Variants in MVB12B observed in about 807,000 individuals in gnomAD.
MVB12B encodes the protein ESCRT-I complex subunit MVB12B.
Under a neutral mutation model 41.6 loss-of-function variants are expected in MVB12B, and 16 were observed. That is an observed-to-expected ratio of 0.38 (90% CI 0.26 to 0.58). The LOEUF (loss-of-function observed/expected upper bound fraction) is 0.58, where lower values mean the gene tolerates loss of function less well. Ranked by LOEUF, MVB12B falls within the 20% of genes least tolerant of loss-of-function variation. MVB12B has a pLI of 0.62. For missense variants in MVB12B, 274 were observed against 380.2 expected (o/e 0.72, Z 2.32); for synonymous variants, 133 against 139.7 (o/e 0.95, Z 0.34).
chr9:126,483,831 C>T (rs976737682), intron 8 of MVB12B, 142 bp from the exon 9 acceptor site: 1 of 837,788 alleles, frequency 1.2e-6, no homozygotes, highest in East Asian at 2.4e-5. Flanking sequence ...GAGAGTCCCA[C>T]TGACTGTCTT....
rs7043174 is a variant in MVB12B, at chr9:126,390,548, A to G, written c.410-1518A>G. On this transcript the variant is annotated intron_variant, in intron 4 of 9. Coordinates refer to ENST00000361171, the MANE Select transcript of MVB12B (RefSeq NM_033446.3). ...CCAACTCCTTACTCTAAGGCTTGAT[A>G]AGTAAGAGAAAAGAATCACGTGCTT... Among the ~76,000 whole-genome samples, 308 of 152,380 alleles carry G rather than the reference A, an allele frequency of 2.0e-3. 3 individuals carry two copies. The highest frequency in any genetic ancestry group is 7.2e-3 in the African/African-American group (299 of 41,590).
At chr9:126,498,360 C>T (rs1833881670) in intron 9 of MVB12B, among the ~76,000 whole-genome samples, 1 of 152,174 alleles carries the variant, frequency 6.6e-6, no homozygotes, top group Admixed American at 6.5e-5. Flanking sequence ...TCCGCCTGCC[C>T]AAGCCCACCC....
intron 7 of MVB12B, among the ~76,000 whole-genome samples, chr9:126,429,189 T>G (rs1013370505): frequency 6.6e-6 from 1 of 152,176 alleles, no homozygotes; most frequent in African/African-American, 2.4e-5. Context: ...ATAAGAACCA[T>G]TTTTATCATC....
At chr9:126,357,126 CTTTAT>C (rs1411156960) in intron 2 of MVB12B, among the ~76,000 whole-genome samples, 1 of 152,072 alleles carries the variant, frequency 6.6e-6, no homozygotes, top group Non-Finnish European at 1.5e-5. Flanking sequence ...TATGTAAATT[CTTTAT>C]TTTGTCTGGC....
intron 7 of MVB12B, among the ~76,000 whole-genome samples, chr9:126,464,412 A>G (rs1372463894): frequency 6.6e-6 from 1 of 151,414 alleles, no homozygotes; most frequent in Non-Finnish European, 1.5e-5. Flanking sequence ...GGGAGGAGAG[A>G]GCAGCTAGGG....
chr9:126,393,237 G>T (rs1046569571), intron 5 of MVB12B, among the ~76,000 whole-genome samples: 1 of 152,234 alleles, frequency 6.6e-6, no homozygotes, highest in Admixed American at 6.5e-5. Flanking sequence ...TCACAGAGGA[G>T]TTGGGGAGGC....
chr9:126,327,099 G>C (rs1486006913), intron 1 of MVB12B, 89 bp downstream of exon 1: 1 of 235,534 alleles, frequency 4.2e-6, no homozygotes, highest in Non-Finnish European at 6.8e-6. Flanking sequence ...CCCCGGCCGA[G>C]GGGCGGGCGG....
In MVB12B at chr9:126,367,977, A is replaced by G. The variant is rs768569582; in HGVS notation, c.205-13087A>G. Among the ~76,000 whole-genome samples the G allele has an allele frequency of 6.6e-6, 1 of 152,226 alleles. No individual in the cohort carries two copies. The highest frequency in any genetic ancestry group is 1.5e-5 in the Non-Finnish European group (1 of 68,032). ...AAGAAAAGGAAAGACTTGTGTCCTG[A>G]AGAGATGAATTGCAGCTTAGTGATG... On this transcript the variant is annotated intron_variant, in intron 2 of 9. Transcript: ENST00000361171. The surrounding 1 kb of genome is among the most constrained non-coding windows in gnomAD (Gnocchi z 4.3).
At chr9:126,431,580 C>T (rs888335768) in intron 7 of MVB12B, among the ~76,000 whole-genome samples, 7 of 152,316 alleles carry the variant, frequency 4.6e-5, no homozygotes, top group Non-Finnish European at 8.8e-5. Flanking sequence ...TGCTCTTAAA[C>T]AGGCGGCCAC....
chr9:126,450,097 C>T (rs1426631994), intron 7 of MVB12B, among the ~76,000 whole-genome samples: 1 of 152,242 alleles, frequency 6.6e-6, no homozygotes, highest in African/African-American at 2.4e-5. Flanking sequence ...ACCGTGAGAG[C>T]TCTGCAGTCA....
chr9:126,426,263 C>T (rs1391724787), intron 7 of MVB12B, among the ~76,000 whole-genome samples: 1 of 152,232 alleles, frequency 6.6e-6, no homozygotes, highest in East Asian at 1.9e-4. Flanking sequence ...CATCCTTACT[C>T]TTTCTAGCTG....
chr9:126,367,664 C>G lies in MVB12B; in HGVS notation c.205-13400C>G, dbSNP rs2118914126. On this transcript the variant is annotated intron_variant, in intron 2 of 9. Transcript: ENST00000361171. The surrounding 1 kb of genome is among the most constrained non-coding windows in gnomAD (Gnocchi z 4.3). ...TTCTGTCTTACACTTCTGATGACAC[C>G]AAATATCCATACTGTGTCTGCCCCT... 6.6e-6 allele frequency among the ~76,000 whole-genome samples: 1 copy of G among 152,308 alleles called. No homozygotes were observed. The highest frequency in any genetic ancestry group is 2.1e-4 in the South Asian group (1 of 4,826).
intron 8 of MVB12B, among the ~76,000 whole-genome samples, chr9:126,482,876 C>T (rs1833556422): frequency 2.0e-5 from 3 of 152,280 alleles, no homozygotes. Context: ...CTTCTCAGTG[C>T]AGCGCCCCGC....
Position 126,468,252 on chromosome 9 carries a change from C to T in MVB12B, c.758-13117C>T, listed in dbSNP as rs1207410334. ...CATGCTGGTTACTTCCAAACTCACCCTCACATCCCCGCCCGCCAGGCCTCA... is the reference window on the plus strand; with the variant it reads ...CATGCTGGTTACTTCCAAACTCACCTTCACATCCCCGCCCGCCAGGCCTCA... On this transcript the variant is annotated intron_variant, in intron 7 of 9. Coordinates refer to ENST00000361171, the MANE Select transcript of MVB12B (RefSeq NM_033446.3). This position sits in a 1 kb window ranked among gnomAD's most constrained non-coding sequence, Gnocchi z 4.3. Among the ~76,000 whole-genome samples, 2 of 152,184 alleles carry T rather than the reference C, an allele frequency of 1.3e-5. No homozygotes were observed. The highest frequency in any genetic ancestry group is 2.1e-4 in the South Asian group (1 of 4,828).
chr9:126,390,139 G>A (rs1222294995), intron 4 of MVB12B, among the ~76,000 whole-genome samples: 2 of 152,174 alleles, frequency 1.3e-5, no homozygotes, highest in African/African-American at 4.8e-5. Flanking sequence ...GCAAGGTCTT[G>A]AAACCCAATA....
chr9:126,503,100 T>A, intron 9 of MVB12B, 77 bp from the exon 10 acceptor site: 1 of 1,300,716 alleles, frequency 7.7e-7, no homozygotes. Flanking sequence ...TGCCTGATCT[T>A]GATCTGAGGC....
chr9:126,451,792 A>G lies in MVB12B; in HGVS notation c.758-29577A>G, dbSNP rs186471563. ...TTATCTTTCTGATTTAGCTTTAAAG[A>G]TGCCCCTGAACCCACAGCCTCTGGT... is the stretch of plus-strand genomic sequence containing the variant. On this transcript the variant is annotated intron_variant, in intron 7 of 9. Coordinates refer to ENST00000361171, the MANE Select transcript of MVB12B (RefSeq NM_033446.3). Among the ~76,000 whole-genome samples, 4 of 152,272 alleles carry G rather than the reference A, an allele frequency of 2.6e-5. No individual in the cohort carries two copies. The East Asian group carries it at 5.8e-4, about 22-fold the overall frequency.
At chr9:126,415,561 A>C (rs1444068566) in intron 6 of MVB12B, among the ~76,000 whole-genome samples, 3 of 152,136 alleles carry the variant, frequency 2.0e-5, no homozygotes, top group African/African-American at 7.2e-5. Flanking sequence ...AAATAGTTGC[A>C]TTTTCCAAGC....
chr9:126,427,284 G>A (rs148811163), intron 7 of MVB12B, among the ~76,000 whole-genome samples: 59 of 152,234 alleles, frequency 3.9e-4, no homozygotes, highest in Middle Eastern at 3.4e-3. Context: ...TGAGTGAGAT[G>A]TTTCTTAAGA....
Sources: gnomAD v4.1 joint callset for allele counts (sites outside exome capture counted in the v4.1 genomes callset) on GRCh38, gnomAD v4.1.1 for gene constraint, Gnocchi (gnomAD v3.1) non-coding constraint, MANE v1.5 for transcripts, NCBI Gene and HGNC (gene_info 2026-07-23, HGNC 2026-07-21) for gene names.